WDPCP: variants seen among roughly 807,000 people sequenced by gnomAD.
WDPCP encodes the protein WD repeat-containing and planar cell polarity effector protein fritz homolog.
WDPCP carries 71 observed loss-of-function variants against 93.1 expected under a neutral mutation model. The ratio of observed to expected loss-of-function variants is 0.76; its 90% CI spans 0.63 to 0.93. The LOEUF (loss-of-function observed/expected upper bound fraction) is 0.93, where lower values mean the gene tolerates loss of function less well. WDPCP is among the 40% of genes least tolerant of loss of function. The pLI is 0.00. For synonymous variants in WDPCP, 315 were observed against 315.0 expected (o/e 1.00, Z 0.00); for missense variants, 844 against 887.4 (o/e 0.95, Z 0.62).
In WDPCP at chr2:63,509,204, G is replaced by A. The variant is rs544378592; in HGVS notation, c.76-16264C>T. ...GGAAGTAAAACACTCCTCAGCAAAT[G>A]CAAAAGAATGGAAATCAAAACAAAC... On this transcript the variant is annotated intron_variant, in intron 1 of 17. Coordinates refer to ENST00000272321, the MANE Select transcript of WDPCP (RefSeq NM_015910.7). 2.6e-5 allele frequency among the ~76,000 whole-genome samples: 4 copies of A among 152,196 alleles called. No individual in the cohort carries two copies. In the East Asian group the frequency reaches 5.8e-4, roughly 22 times the overall value.
At chr2:63,805,602 G>A (rs1054508133) in intron 2 of WDPCP, among the ~76,000 whole-genome samples, 1 of 152,188 alleles carries the variant, frequency 6.6e-6, no homozygotes, top group Admixed American at 6.5e-5. Context: ...AGAGGTCAGA[G>A]TGCTACTACT....
At chr2:63,462,502 AAAAT>A (rs1369351843) in intron 6 of WDPCP, among the ~76,000 whole-genome samples, 2 of 152,154 alleles carry the variant, frequency 1.3e-5, no homozygotes, top group Non-Finnish European at 2.9e-5. Context: ...TGTATAATAA[AAAAT>A]AAATAAATAA....
intron 14 of WDPCP, among the ~76,000 whole-genome samples, chr2:63,208,766 CTGT>C (rs1192599322): frequency 1.3e-5 from 2 of 152,160 alleles, no homozygotes; most frequent in African/African-American, 4.8e-5. Context: ...TCCCATGAAG[CTGT>C]TGTTGTTGTT....
At chr2:63,256,783 T>A (rs147349901) in intron 14 of WDPCP, among the ~76,000 whole-genome samples, 8 of 152,256 alleles carry the variant, frequency 5.3e-5, no homozygotes, top group African/African-American at 1.4e-4. Flanking sequence ...ATATGCAACA[T>A]ACGAAAGATT....
chr2:63,173,088 C>T (rs190535842), intron 15 of WDPCP, among the ~76,000 whole-genome samples: 1 of 151,916 alleles, frequency 6.6e-6, no homozygotes, highest in African/African-American at 2.4e-5. Context: ...ATGGTGAAAC[C>T]CTGTCTCTAC....
Position 63,357,645 on chromosome 2 carries a change from T to C in WDPCP, c.1748+20741A>G, listed in dbSNP as rs368581004. Among the ~76,000 whole-genome samples, 20 of 152,286 alleles carry C rather than the reference T, an allele frequency of 1.3e-4. No individual in the cohort carries two copies. The East Asian group carries it at 1.9e-3, about 15-fold the overall frequency. ...GGTTGCGGAGAAAAGAGAATGCTTA[T>C]ACACTGGGGGCAGGAGTGTTAATTT... On this transcript the variant is annotated intron_variant, in intron 12 of 17. Coordinates refer to ENST00000272321, the MANE Select transcript of WDPCP (RefSeq NM_015910.7).
chr2:63,277,627 T>A (rs1683187927), intron 13 of WDPCP, among the ~76,000 whole-genome samples: 1 of 152,074 alleles, frequency 6.6e-6, no homozygotes, highest in Admixed American at 6.5e-5. Context: ...CAAAACAAAC[T>A]TTAAGACAAC....
intron 2 of WDPCP, among the ~76,000 whole-genome samples, chr2:63,706,642 C>A: frequency 7.7e-6 from 1 of 129,652 alleles, no homozygotes; most frequent in South Asian, 2.5e-4. Flanking sequence ...CGGAGTCTCG[C>A]TCTGTCGCCC....
intron 14 of WDPCP, among the ~76,000 whole-genome samples, chr2:63,227,482 G>GCTAT (rs1678384877): frequency 1.3e-5 from 2 of 151,958 alleles, no homozygotes; most frequent in Non-Finnish European, 2.9e-5. Flanking sequence ...AACCTTTCTT[G>GCTAT]CTATCTTTTC....
intron 2 of WDPCP, among the ~76,000 whole-genome samples, chr2:63,666,321 G>A (rs1710282165): frequency 6.6e-6 from 1 of 152,162 alleles, no homozygotes; most frequent in Non-Finnish European, 1.5e-5. Context: ...CTGCTAGCAG[G>A]AAGGAGTTAG....
chr2:63,282,997 T>C (rs572732891), intron 13 of WDPCP, among the ~76,000 whole-genome samples: 1 of 152,216 alleles, frequency 6.6e-6, no homozygotes, highest in Non-Finnish European at 1.5e-5. Context: ...AATTGAAGTT[T>C]TGCTTTTTGG....
intron 13 of WDPCP, among the ~76,000 whole-genome samples, chr2:63,297,968 CTCTA>C (rs1685000284): frequency 6.6e-6 from 1 of 152,148 alleles, no homozygotes; most frequent in South Asian, 2.1e-4. Context: ...CAACTTGCAG[CTCTA>C]TCTATATCTA....
intron 14 of WDPCP, among the ~76,000 whole-genome samples, chr2:63,181,222 T>G (rs912315276): frequency 6.6e-6 from 1 of 152,136 alleles, no homozygotes; most frequent in African/African-American, 2.4e-5. Flanking sequence ...TGTCTATTTG[T>G]GTTTTTGTTG....
intron 1 of WDPCP, among the ~76,000 whole-genome samples, chr2:63,824,925 G>C (rs758606527): frequency 1.3e-5 from 2 of 152,056 alleles, no homozygotes; most frequent in Non-Finnish European, 2.9e-5. Context: ...CAATATAACA[G>C]TTAATAATTG....
intron 1 of WDPCP, among the ~76,000 whole-genome samples, chr2:63,505,567 A>G (rs1677643113): frequency 6.6e-6 from 1 of 152,110 alleles, no homozygotes; most frequent in Non-Finnish European, 1.5e-5. Context: ...AATGTTTCCT[A>G]TGCTTTTTTA....
At chr2:63,352,902 T>C (rs1426801814) in intron 12 of WDPCP, among the ~76,000 whole-genome samples, 1 of 152,212 alleles carries the variant, frequency 6.6e-6, no homozygotes, top group Non-Finnish European at 1.5e-5. Context: ...TGTGTAATAA[T>C]GGTTATGCTA....
At chr2:63,838,055 A>G in the WDPCP span, among the ~76,000 whole-genome samples, 1 of 152,034 alleles carries the variant, frequency 6.6e-6, no homozygotes, top group Admixed American at 6.6e-5. Context: ...AGATCGCACC[A>G]CTGCACTCCA....
intron 1 of WDPCP, among the ~76,000 whole-genome samples, chr2:63,583,310 GAAGAA>G (rs1197641640): frequency 1.3e-5 from 2 of 152,238 alleles, no homozygotes; most frequent in African/African-American, 4.8e-5. Flanking sequence ...CAAAAAGAAG[GAAGAA>G]AAGAAGAGAG....
intron 13 of WDPCP, among the ~76,000 whole-genome samples, chr2:63,303,485 C>T (rs1367511329): frequency 2.6e-5 from 4 of 152,052 alleles, no homozygotes; most frequent in African/African-American, 9.7e-5. Flanking sequence ...CATTGACCAC[C>T]CATTGTACCT....
Sources: allele counts gnomAD v4.1 joint callset (sites outside exome capture counted in the v4.1 genomes callset), GRCh38; gene constraint gnomAD v4.1.1; transcripts MANE v1.5; gene names NCBI Gene and HGNC (gene_info 2026-07-23, HGNC 2026-07-21).